Variants in NAALADL2 observed in about 807,000 individuals in gnomAD.
The protein encoded by NAALADL2 is inactive N-acetylated-alpha-linked acidic dipeptidase-like protein 2.
NAALADL2 carries 76 observed loss-of-function variants against 87.2 expected under a neutral mutation model. The observed-to-expected ratio is 0.87, with a 90% CI of 0.72 to 1.05. NAALADL2 has a LOEUF of 1.05. NAALADL2 is among the 50% of genes least tolerant of loss of function. The pLI is 0.00. For synonymous variants in NAALADL2, 354 were observed against 331.0 expected, an observed-to-expected ratio of 1.07 and a Z score of -0.75; for missense variants, 1,089 against 945.8, an observed-to-expected ratio of 1.15 and a Z score of -1.99.
At chr3:174,869,486 G>T (rs1727536604) in intron 1 of NAALADL2, among the ~76,000 whole-genome samples, 1 of 152,270 alleles carries the variant, frequency 6.6e-6, no homozygotes, top group Non-Finnish European at 1.5e-5. Context: ...CAGAAATGCA[G>T]ATTTATCTTT....
intron 5 of NAALADL2, among the ~76,000 whole-genome samples, chr3:175,384,235 G>T (rs1768102469): frequency 6.6e-6 from 1 of 151,850 alleles, no homozygotes; most frequent in Admixed American, 6.6e-5. Flanking sequence ...TATTCCTATT[G>T]TCTGCATTAT....
chr3:174,625,553 T>C (rs1721491152), intron 2 of NAALADL2, among the ~76,000 whole-genome samples: 1 of 151,810 alleles, frequency 6.6e-6, no homozygotes, highest in Non-Finnish European at 1.5e-5. Context: ...CAAAACATTT[T>C]AGTTTGAAAT....
chr3:175,229,083 A>G (rs1234566994), intron 2 of NAALADL2, among the ~76,000 whole-genome samples: 2 of 151,968 alleles, frequency 1.3e-5, no homozygotes, highest in Non-Finnish European at 2.9e-5. Flanking sequence ...CATTCATAAA[A>G]CAGCTGTTAA....
chr3:174,930,956 C>T (rs1736809258), intron 1 of NAALADL2, among the ~76,000 whole-genome samples: 1 of 151,760 alleles, frequency 6.6e-6, no homozygotes, highest in Admixed American at 6.6e-5. Flanking sequence ...TGTATATATC[C>T]CATATTATGA....
chr3:175,136,073 T>A (rs1729070216), intron 2 of NAALADL2, among the ~76,000 whole-genome samples: 1 of 152,164 alleles, frequency 6.6e-6, no homozygotes, highest in Admixed American at 6.5e-5. Context: ...GTAACCATTG[T>A]GAACCTACTC....
At chr3:174,737,425 T>G (rs1451681606) in intron 2 of NAALADL2, among the ~76,000 whole-genome samples, 1 of 152,276 alleles carries the variant, frequency 6.6e-6, no homozygotes, top group African/African-American at 2.4e-5. Flanking sequence ...TGTGTTTTTG[T>G]ATACATTTGT....
At chr3:174,634,318 C>T (rs1392842592) in intron 2 of NAALADL2, among the ~76,000 whole-genome samples, 1 of 152,074 alleles carries the variant, frequency 6.6e-6, no homozygotes, top group African/African-American at 2.4e-5. Context: ...CTCCACAAAT[C>T]TTTGTGTGTG....
chr3:175,098,270 A>G (rs1721492910), intron 2 of NAALADL2, among the ~76,000 whole-genome samples: 1 of 152,168 alleles, frequency 6.6e-6, no homozygotes, highest in Admixed American at 6.5e-5. Flanking sequence ...ACATTGAGCT[A>G]AAAGATATGC....
At chr3:174,678,778 C>G (rs938722540) in intron 2 of NAALADL2, among the ~76,000 whole-genome samples, 1 of 152,038 alleles carries the variant, frequency 6.6e-6, no homozygotes, top group African/African-American at 2.4e-5. Flanking sequence ...TTATTGTATA[C>G]CGACTCTCTA....
At chr3:174,796,631 A>C (rs1025903678) in intron 3 of NAALADL2, among the ~76,000 whole-genome samples, 17 of 101,440 alleles carry the variant, frequency 1.7e-4, no homozygotes, top group Non-Finnish European at 2.3e-4. Flanking sequence ...GTGGATGGAC[A>C]CTTAGGTTGA....
At chr3:175,205,671 G>A (rs1424643837) in intron 2 of NAALADL2, among the ~76,000 whole-genome samples, 3 of 152,034 alleles carry the variant, frequency 2.0e-5, no homozygotes, top group South Asian at 2.1e-4. Context: ...CCCACAGATT[G>A]GGAGAAAGTC....
chr3:175,761,876 G>A (rs977067737), intron 13 of NAALADL2, among the ~76,000 whole-genome samples: 2 of 151,962 alleles, frequency 1.3e-5, no homozygotes, highest in Admixed American at 6.6e-5. Context: ...GTTGTTAGAC[G>A]TATTTTTATA....
At chr3:174,862,061 G>T (rs1003496324) in intron 1 of NAALADL2, among the ~76,000 whole-genome samples, 12 of 152,006 alleles carry the variant, frequency 7.9e-5, no homozygotes, top group Non-Finnish European at 1.3e-4. Context: ...ATACATGAAG[G>T]TTCATAATGT....
chr3:175,120,401 T>G (rs771174056), intron 2 of NAALADL2, among the ~76,000 whole-genome samples: 30 of 151,942 alleles, frequency 2.0e-4, no homozygotes, highest in Admixed American at 9.2e-4. Context: ...CATCTGGTCT[T>G]CTGTATTTAG....
intron 2 of NAALADL2, among the ~76,000 whole-genome samples, chr3:175,114,505 C>G (rs1257471010): frequency 1.3e-5 from 2 of 151,622 alleles, no homozygotes; most frequent in Non-Finnish European, 3.0e-5. Context: ...TAATTATTTT[C>G]TAAATGTATG....
At chr3:175,299,955 T>C (rs75419398) in intron 4 of NAALADL2, among the ~76,000 whole-genome samples, 2 of 152,180 alleles carry the variant, frequency 1.3e-5, no homozygotes, top group African/African-American at 4.8e-5. Context: ...TTTTGAGATA[T>C]GGTCCATCAA....
At chr3:174,472,845 A>G (rs1298658399) in intron 1 of NAALADL2, among the ~76,000 whole-genome samples, 1 of 152,138 alleles carries the variant, frequency 6.6e-6, no homozygotes, top group Non-Finnish European at 1.5e-5. Context: ...CACATGTTGC[A>G]CTTTGTAGAA....
At chr3:174,744,266 A>G (rs1305678615) in intron 3 of NAALADL2, among the ~76,000 whole-genome samples, 2 of 151,894 alleles carry the variant, frequency 1.3e-5, no homozygotes, top group Middle Eastern at 3.2e-3. Context: ...AGGGTCCTTT[A>G]AAGAGGGAAA....
At chr3:174,930,926 T>C (rs1223700847) in intron 1 of NAALADL2, among the ~76,000 whole-genome samples, 1 of 152,018 alleles carries the variant, frequency 6.6e-6, no homozygotes, top group Non-Finnish European at 1.5e-5. Context: ...CCGGCCAAGA[T>C]GAACATTTTA....
Sources: gnomAD v4.1 joint callset for allele counts (sites outside exome capture counted in the v4.1 genomes callset) on GRCh38, gnomAD v4.1.1 for gene constraint, MANE v1.5 for transcripts, NCBI Gene and HGNC (gene_info 2026-07-23, HGNC 2026-07-21) for gene names.